Variants in SLC12A6 observed in about 807,000 individuals in gnomAD.
SLC12A6 encodes K-Cl cotransporter 3.
SLC12A6 carries 66 observed loss-of-function variants against 135.3 expected under a neutral mutation model. The ratio of observed to expected loss-of-function variants is 0.49; its 90% CI spans 0.40 to 0.60. SLC12A6 has a LOEUF of 0.60. Among genes scored for constraint, SLC12A6 ranks in the 20% least tolerant of loss-of-function variants. The probability of loss-of-function intolerance (pLI) is 0.00; values close to 1 mark genes in which losing one functional copy is unlikely to be tolerated. For missense variants in SLC12A6, 1,058 were observed against 1,452.3 expected (o/e 0.73, Z 4.41); for synonymous variants, 513 against 508.8 (o/e 1.01, Z -0.11).
At chr15:34,241,768 T>C (rs780444296) in intron 17 of SLC12A6, among the ~76,000 whole-genome samples, 1 of 152,254 alleles carries the variant, frequency 6.6e-6, no homozygotes, top group Non-Finnish European at 1.5e-5. Flanking sequence ...TACTAAGTTG[T>C]TCAGAACTAA....
At chr15:34,291,580 C>T (rs957857049) in intron 2 of SLC12A6, among the ~76,000 whole-genome samples, 4 of 152,174 alleles carry the variant, frequency 2.6e-5, no homozygotes, top group Non-Finnish European at 5.9e-5. Context: ...AGAGTGTTTT[C>T]TAACTTGGTT....
At chr15:34,253,013 C>T (rs77468301) in intron 9 of SLC12A6, among the ~76,000 whole-genome samples, 8,430 of 152,226 alleles carry the variant, frequency 0.055, 286 homozygotes, top group Non-Finnish European at 0.073. Context: ...TAAGCCTAGA[C>T]TCAGTGGGAG....
Position 34,245,759 on chromosome 15 carries a change from C to G in SLC12A6, c.1758G>C (p.Gln586His), listed in dbSNP as rs771051864. ...SFFSTCGAGL[Q>H]SLTGAPRLLQ... is the part of the protein sequence containing the mutation. Reference sequence around the variant, plus strand: ...GCAGCCTCGGTGCACCTGTGAGGCTCTGAAGTCCAGCCCCACATGTTGAAA... The same window carrying G: ...GCAGCCTCGGTGCACCTGTGAGGCTGTGAAGTCCAGCCCCACATGTTGAAA... Residue 586 changes from glutamine (Q) to histidine (H), a missense_variant, in exon 14 of 26, where the codon CAG (glutamine) becomes CAC (histidine). Gln to His is a conservative substitution (Grantham distance 24, BLOSUM62 0). Transcript: ENST00000354181. 1.9e-5 allele frequency: 30 copies of G among 1,613,194 alleles called. No individual in the cohort carries two copies. In the South Asian group the frequency reaches 3.3e-4, roughly 18 times the overall value.
intron 3 of SLC12A6, among the ~76,000 whole-genome samples, chr15:34,274,450 T>G (rs1438688901): frequency 1.3e-5 from 2 of 152,222 alleles, no homozygotes; most frequent in East Asian, 3.8e-4. Context: ...GCCTTTTGTT[T>G]GAGCTGAATG....
intron 2 of SLC12A6, among the ~76,000 whole-genome samples, chr15:34,306,307 G>A (rs1350604495): frequency 1.3e-5 from 2 of 152,198 alleles, no homozygotes; most frequent in Non-Finnish European, 2.9e-5. Flanking sequence ...GGCCCAGGAG[G>A]AAGCCTCCCT....
chr15:34,298,475 AAAATAAATAAAT>A (rs147699591), intron 2 of SLC12A6, among the ~76,000 whole-genome samples: 13 of 148,902 alleles, frequency 8.7e-5, no homozygotes, highest in Middle Eastern at 3.5e-3. Context: ...ACTCTGTCTC[AAAATAAATAAAT>A]AAATAAATAA....
At chr15:34,280,378 T>C (rs1275331400) in intron 2 of SLC12A6, among the ~76,000 whole-genome samples, 1 of 152,228 alleles carries the variant, frequency 6.6e-6, no homozygotes, top group African/African-American at 2.4e-5. Flanking sequence ...GTTATGCTAC[T>C]GGCTGTATTA....
chr15:34,300,337 G>GT (rs1338331341), intron 2 of SLC12A6, among the ~76,000 whole-genome samples: 1 of 152,168 alleles, frequency 6.6e-6, no homozygotes, highest in Non-Finnish European at 1.5e-5. Context: ...TTTTAACTCT[G>GT]TAAGGATTGA....
intron 2 of SLC12A6, among the ~76,000 whole-genome samples, chr15:34,330,642 G>A (rs11629462): frequency 0.11 from 16,053 of 151,710 alleles, 1,075 homozygotes; most frequent in South Asian, 0.19. Context: ...TATCCAGCCT[G>A]GTTGACAGAA....
chr15:34,336,895 T>C, intron 1 of SLC12A6, 143 bp from the exon 2 acceptor site: 1 of 595,654 alleles, frequency 1.7e-6, no homozygotes, highest in Non-Finnish European at 3.0e-6. Flanking sequence ...GTGAATATAT[T>C]TTTTAAGAGA....
intron 2 of SLC12A6, among the ~76,000 whole-genome samples, chr15:34,290,186 C>A (rs908604777): frequency 6.6e-6 from 1 of 152,106 alleles, no homozygotes; most frequent in African/African-American, 2.4e-5. Flanking sequence ...TGTCTTTGTT[C>A]TCATCGGTTT....
intron 2 of SLC12A6, among the ~76,000 whole-genome samples, chr15:34,321,232 G>C (rs746839131): frequency 5.3e-5 from 8 of 152,180 alleles, no homozygotes; most frequent in Admixed American, 4.6e-4. Flanking sequence ...GTTCTTAATA[G>C]CACTGGTTTG....
intron 2 of SLC12A6, among the ~76,000 whole-genome samples, chr15:34,277,113 T>C (rs369112896): frequency 6.6e-6 from 1 of 152,294 alleles, no homozygotes; most frequent in African/African-American, 2.4e-5. Flanking sequence ...AGTTTTTACT[T>C]TAAACTTATC....
intron 19 of SLC12A6, 103 bp downstream of exon 19, chr15:34,240,558 T>C (rs1247644720): frequency 9.7e-6 from 10 of 1,034,220 alleles, no homozygotes; most frequent in African/African-American, 6.3e-5. Flanking sequence ...AGAAACCTCC[T>C]AGATCACTCA....
intron 2 of SLC12A6, among the ~76,000 whole-genome samples, chr15:34,280,665 C>T (rs1894616692): frequency 6.6e-6 from 1 of 152,116 alleles, no homozygotes; most frequent in Admixed American, 6.6e-5. Context: ...GCAATCCCAC[C>T]ACTGAGCATT....
chr15:34,251,073 T>C lies in SLC12A6; in HGVS notation c.1334-16A>G, dbSNP rs1892355811. 8 of 1,573,574 alleles carry C rather than the reference T, an allele frequency of 5.1e-6. No individual in the cohort carries two copies. Among genetic ancestry groups the C allele is most frequent in the Non-Finnish European group, 7.0e-6 (8 of 1,146,358 alleles). ...CAAAGATTCTCTGCAGTGGGAAAAA[T>C]GGGAATTTAAGCAGCAGCAGTATGA... On this transcript the variant is annotated splice_polypyrimidine_tract_variant and intron_variant, in intron 10 of 25. Coordinates refer to ENST00000354181, the MANE Select transcript of SLC12A6 (RefSeq NM_001365088.1).
chr15:34,331,217 G>C (rs1351205977), intron 2 of SLC12A6, among the ~76,000 whole-genome samples: 1 of 152,122 alleles, frequency 6.6e-6, no homozygotes, highest in South Asian at 2.1e-4. Context: ...CTGTCATCCA[G>C]GCTGCAGTGC....
intron 2 of SLC12A6, among the ~76,000 whole-genome samples, chr15:34,317,639 G>T (rs1888746356): frequency 6.6e-6 from 1 of 152,126 alleles, no homozygotes; most frequent in Non-Finnish European, 1.5e-5. Flanking sequence ...AGAGGCGGAG[G>T]TTGCAGTAAG....
At chr15:34,296,479 A>G (rs1389260956) in intron 2 of SLC12A6, among the ~76,000 whole-genome samples, 1 of 152,222 alleles carries the variant, frequency 6.6e-6, no homozygotes, top group Non-Finnish European at 1.5e-5. Context: ...TGATTTGTCT[A>G]CTATATCATA....
Sources: gnomAD v4.1 joint callset for allele counts (sites outside exome capture counted in the v4.1 genomes callset) on GRCh38, gnomAD v4.1.1 for gene constraint, MANE v1.5 for transcripts, NCBI Gene and HGNC (gene_info 2026-07-23, HGNC 2026-07-21) for gene names.